The following PACRG variants were observed in gnomAD, a reference collection of about 807,000 sequenced individuals.
PACRG encodes parkin coregulated gene protein.
Under a neutral mutation model 29.7 loss-of-function variants are expected in PACRG, and 29 were observed. The observed-to-expected ratio is 0.98, with a 90% CI of 0.73 to 1.33. The LOEUF (loss-of-function observed/expected upper bound fraction) is 1.33, where lower values mean the gene tolerates loss of function less well. Ranked by LOEUF, PACRG falls within the 40% of genes most tolerant of loss-of-function variation. PACRG has a pLI of 0.00. For synonymous variants in PACRG, 116 were observed against 118.7 expected (o/e 0.98, Z 0.15); for missense variants, 279 against 316.2 (o/e 0.88, Z 0.89).
At chr6:162,865,045 T>C (rs1367325311) in intron 2 of PACRG, among the ~76,000 whole-genome samples, 1 of 152,188 alleles carries the variant, frequency 6.6e-6, no homozygotes. Context: ...AGTGAATCTT[T>C]CACCAATTAC....
chr6:162,973,829 A>T (rs1017544207), intron 2 of PACRG, among the ~76,000 whole-genome samples: 1 of 152,192 alleles, frequency 6.6e-6, no homozygotes, highest in Non-Finnish European at 1.5e-5. Flanking sequence ...AATAATAAAA[A>T]TAACTATGGG....
At chr6:163,186,319 C>T (rs958432401) in intron 4 of PACRG, among the ~76,000 whole-genome samples, 1 of 152,136 alleles carries the variant, frequency 6.6e-6, no homozygotes, top group Non-Finnish European at 1.5e-5. Context: ...CTCATTGTCT[C>T]CACTCTCAGA....
chr6:162,812,218 C>T lies in PACRG; in HGVS notation c.157-1929C>T, dbSNP rs565278469. Among the ~76,000 whole-genome samples, 14 of 152,026 alleles carry T rather than the reference C, an allele frequency of 9.2e-5. No individual in the cohort carries two copies. The South Asian group carries it at 2.1e-3, about 23-fold the overall frequency. ...TCACAGTTTGTAGGATATTCCCATTCGGGAAAGCAACTAAAGGCTATGTGT... is the reference window on the plus strand; with the variant it reads ...TCACAGTTTGTAGGATATTCCCATTTGGGAAAGCAACTAAAGGCTATGTGT... On this transcript the variant is annotated intron_variant, in intron 1 of 4. Coordinates refer to ENST00000366888, the MANE Select transcript of PACRG (RefSeq NM_001080379.2).
intron 4 of PACRG, among the ~76,000 whole-genome samples, chr6:163,122,025 T>A (rs905282330): frequency 1.3e-5 from 2 of 151,592 alleles, no homozygotes; most frequent in African/African-American, 4.8e-5. Context: ...TGCGGAGGAG[T>A]TTTTGGAAGG....
At position 162,795,265 on chromosome 6, in the gene PACRG, G is replaced by A. The variant is rs998903708; in HGVS notation, c.157-18882G>A. Among the ~76,000 whole-genome samples, 103 of 152,104 alleles carry A rather than the reference G, an allele frequency of 6.8e-4. 2 individuals carry two copies. The highest frequency in any genetic ancestry group is 2.1e-4 in the South Asian group (1 of 4,818). On this transcript the variant is annotated intron_variant, in intron 1 of 4. Coordinates refer to ENST00000366888, the MANE Select transcript of PACRG (RefSeq NM_001080379.2). The stretch of plus-strand genomic sequence containing the variant: ...GGGCAGAGTAGGTAAGGCTGTGCTG[G>A]CCGCTGTATGACTCTTTTTAGGACA...
chr6:163,170,887 G>A (rs1015404697), intron 4 of PACRG: 1 of 152,090 alleles, frequency 6.6e-6, no homozygotes. Flanking sequence ...TTACCAGTAC[G>A]AGTCCGTGTT....
chr6:163,253,377 G>T (rs995578942), intron 4 of PACRG, among the ~76,000 whole-genome samples: 1 of 151,168 alleles, frequency 6.6e-6, no homozygotes, highest in African/African-American at 2.4e-5. Flanking sequence ...ATATTTCTAA[G>T]AAATATAATT....
intron 1 of PACRG, 113 bp from the exon 2 acceptor site, chr6:162,814,034 A>G (rs1474694227): frequency 1.7e-5 from 20 of 1,166,228 alleles, no homozygotes; most frequent in African/African-American, 4.7e-5. Context: ...ATGTGTTTTT[A>G]TCTTCCAACA....
At chr6:162,982,159 T>C (rs984274591) in intron 2 of PACRG, among the ~76,000 whole-genome samples, 1 of 152,064 alleles carries the variant, frequency 6.6e-6, no homozygotes, top group Non-Finnish European at 1.5e-5. Context: ...TTGTTTCCAA[T>C]TGAGCTTATC....
At chr6:162,856,261 T>G (rs1791387014) in intron 2 of PACRG, among the ~76,000 whole-genome samples, 2 of 152,042 alleles carry the variant, frequency 1.3e-5, no homozygotes, top group Admixed American at 1.3e-4. Flanking sequence ...GTCTCACTCT[T>G]TTGTCCAGTC....
At chr6:163,140,830 A>C (rs1349089918) in intron 4 of PACRG, among the ~76,000 whole-genome samples, 1 of 152,250 alleles carries the variant, frequency 6.6e-6, no homozygotes, top group African/African-American at 2.4e-5. Flanking sequence ...AAGGATAGAA[A>C]TCTTGAAACA....
intron 4 of PACRG, among the ~76,000 whole-genome samples, chr6:163,169,819 G>A (rs2128346285): frequency 6.6e-6 from 1 of 152,290 alleles, no homozygotes; most frequent in South Asian, 2.1e-4. Context: ...CAAACTGGGT[G>A]GCTTCCACAA....
intron 2 of PACRG, among the ~76,000 whole-genome samples, chr6:163,006,135 A>C (rs1805081140): frequency 7.0e-6 from 1 of 143,554 alleles, no homozygotes; most frequent in African/African-American, 2.5e-5. Context: ...TATATATTAT[A>C]TATTATTATA....
chr6:162,783,932 A>G (rs1784274607), intron 1 of PACRG, among the ~76,000 whole-genome samples: 1 of 152,134 alleles, frequency 6.6e-6, no homozygotes, highest in Admixed American at 6.5e-5. Flanking sequence ...ATTGAACATA[A>G]GGATACTATC....
chr6:162,997,795 C>A (rs1014954193), intron 2 of PACRG, among the ~76,000 whole-genome samples: 1 of 152,224 alleles, frequency 6.6e-6, no homozygotes, highest in Non-Finnish European at 1.5e-5. Flanking sequence ...GCTATATTAA[C>A]TTGACACTAT....
At chr6:163,082,833 G>C (rs1219417467) in intron 3 of PACRG, among the ~76,000 whole-genome samples, 3 of 152,026 alleles carry the variant, frequency 2.0e-5, no homozygotes, top group Non-Finnish European at 4.4e-5. Flanking sequence ...TGTTGTTCTT[G>C]GAACATTTAG....
chr6:163,131,264 C>T (rs1163847740), intron 4 of PACRG, among the ~76,000 whole-genome samples: 11 of 6,494 alleles, frequency 1.7e-3, no homozygotes, highest in African/African-American at 6.1e-3. Flanking sequence ...GCCCAGATCA[C>T]GCCACTGCAC....
intron 2 of PACRG, among the ~76,000 whole-genome samples, chr6:162,841,168 T>G (rs1168437323): frequency 1.4e-5 from 2 of 144,882 alleles, no homozygotes; most frequent in African/African-American, 5.3e-5. Flanking sequence ...TCAGAAGGAA[T>G]GGTACCAGTT....
At chr6:162,899,985 A>G (rs1795439925) in intron 2 of PACRG, among the ~76,000 whole-genome samples, 2 of 152,032 alleles carry the variant, frequency 1.3e-5, no homozygotes, top group Admixed American at 1.3e-4. Flanking sequence ...GGATGAGGGG[A>G]AGGTCAGGGA....
Sources: gnomAD v4.1 joint callset for allele counts (sites outside exome capture counted in the v4.1 genomes callset) on GRCh38, gnomAD v4.1.1 for gene constraint, MANE v1.5 for transcripts, NCBI Gene and HGNC (gene_info 2026-07-23, HGNC 2026-07-21) for gene names.